The following ANKRD61 variants were observed in gnomAD, a reference collection of about 807,000 sequenced individuals.
The protein encoded by ANKRD61 is ankyrin repeat domain 61.
ANKRD61 carries 7 observed loss-of-function variants against 8.4 expected under a neutral mutation model. The ratio of observed to expected loss-of-function variants is 0.84; its 90% CI spans 0.48 to 1.57. The LOEUF (loss-of-function observed/expected upper bound fraction) is 1.57, where lower values mean the gene tolerates loss of function less well. ANKRD61 is among the 40% of genes most tolerant of loss of function. The pLI is 0.00. For synonymous variants in ANKRD61, 198 were observed against 208.0 expected, an observed-to-expected ratio of 0.95 and a Z score of 0.41; for missense variants, 516 against 523.4, an observed-to-expected ratio of 0.99 and a Z score of 0.14.
In ANKRD61 at chr7:6,036,377, T is replaced by C. The variant is rs750893343; in HGVS notation, c.1248T>C (p.Tyr416=). 272 of 1,475,546 alleles carry C rather than the reference T, an allele frequency of 1.8e-4. No individual in the cohort carries two copies. The highest frequency in any genetic ancestry group is 2.1e-4 in the Non-Finnish European group (238 of 1,114,570). 91.4% of individuals were successfully genotyped at this position (1,475,546 alleles called of 1,614,324 possible). A position where few individuals can be genotyped will look rare whatever the true frequency, so the allele number is the denominator to read the frequency against. The stretch of plus-strand genomic sequence containing the variant: ...TCTACTGCTGTTATGACTTGGCATA[T>C]ACCTCTTGAAATAAGACCTCCCAGT... ...NSVYCCYDLA[Y]TS is the part of the protein sequence containing the mutation. The change falls in exon 3 of 3, where the codon TAT becomes TAC. Residue 416 remains tyrosine, a synonymous_variant. Coordinates refer to ENST00000409061, the MANE Select transcript of ANKRD61 (RefSeq NM_001271700.2). The surrounding 1 kb of genome is among the most constrained non-coding windows in gnomAD (Gnocchi z 4.6).
In ANKRD61 at chr7:6,036,239, G is replaced by A. The variant is rs560313261; in HGVS notation, c.1110G>A (p.Ser370=). 2.8e-5 allele frequency: 43 copies of A among 1,549,346 alleles called. 1 individual carries two copies. In the Admixed American group the frequency reaches 3.4e-4, roughly 12 times the overall value. ...TAAGGGACACCCTAATAAAGCAATC[G>A]CAAAAACCTTTATCCCTACAGGGTA... ...RLLRDTLIKQ[S]QKPLSLQGIC... The change falls in exon 3 of 3, where the codon TCG becomes TCA. Residue 370 remains serine (S), a synonymous_variant. Coordinates refer to ENST00000409061, the MANE Select transcript of ANKRD61 (RefSeq NM_001271700.2). The surrounding 1 kb of genome is among the most constrained non-coding windows in gnomAD (Gnocchi z 4.6).
In ANKRD61 at chr7:6,036,346, A is replaced by G. The variant is rs777072795; in HGVS notation, c.1217A>G (p.Asn406Ser). 6.5e-7 allele frequency: 1 copy of G among 1,531,400 alleles called. No individual in the cohort carries two copies. The highest frequency in any genetic ancestry group is 8.8e-7 in the Non-Finnish European group (1 of 1,139,896). The allele number at this position is 1,531,400 out of a possible 1,614,324, so 94.9% of individuals were successfully genotyped here. ...CAATTCCTCCCAGTGACAATATGGA[A>G]TTCTGTCTACTGCTGTTATGACTTG... ...LKQFLPVTIWNSVYCCYDLAY... is the reference protein window; with the variant it reads ...LKQFLPVTIWSSVYCCYDLAY... Residue 406 changes from asparagine to serine, a missense_variant, in exon 3 of 3, where the codon AAT (asparagine) becomes AGT (serine). Asn to Ser is a conservative substitution (Grantham distance 46). Transcript: ENST00000409061. The surrounding 1 kb of genome is among the most constrained non-coding windows in gnomAD (Gnocchi z 4.6).
In ANKRD61 at chr7:6,033,876, G is replaced by T. The variant is rs1425759693; in HGVS notation, c.314+940G>T. Among the ~76,000 whole-genome samples, 3 of 151,978 alleles carry T rather than the reference G, an allele frequency of 2.0e-5. No homozygotes were observed. The highest frequency in any genetic ancestry group is 4.4e-5 in the Non-Finnish European group (3 of 67,990). On this transcript the variant is annotated intron_variant, in intron 2 of 2. Transcript: ENST00000409061. This position sits in a 1 kb window ranked among gnomAD's most constrained non-coding sequence, Gnocchi z 4.4. ...GAGCCGCCGTGCCTGGCCGACAATG[G>T]ATTTTCTTGTTTATTACTCTCCACT...
Position 6,036,479 on chromosome 7 carries a change from A to G in ANKRD61, c.*93A>G, listed in dbSNP as rs1455573535. 1.0e-5 allele frequency: 8 copies of G among 786,992 alleles called. No individual in the cohort carries two copies. Among genetic ancestry groups the G allele is most frequent in the Non-Finnish European group, 1.5e-5 (8 of 532,586 alleles). The allele number at this position is 786,992 out of a possible 1,614,324, so 48.8% of individuals were successfully genotyped here. On this transcript the variant is annotated 3_prime_UTR_variant, in exon 3 of 3. Coordinates refer to ENST00000409061, the MANE Select transcript of ANKRD61 (RefSeq NM_001271700.2). This position sits in a 1 kb window ranked among gnomAD's most constrained non-coding sequence, Gnocchi z 4.6. ...TGTCCCAGAAAATGCTTCACCTATC[A>G]CCTGTGACATCCCAAATGTACAAAC...
rs917753448 is a variant in ANKRD61, at chr7:6,032,949, C to T, written c.314+13C>T. On this transcript the variant is annotated intron_variant, in intron 2 of 2. Coordinates refer to ENST00000409061, the MANE Select transcript of ANKRD61 (RefSeq NM_001271700.2). This position sits in a 1 kb window ranked among gnomAD's most constrained non-coding sequence, Gnocchi z 4.3. The stretch of plus-strand genomic sequence containing the variant: ...ACCCAGAAGTCAGGTAAGTTAACTC[C>T]ACCGAAAATCATTTCTTTTTTTTTC... 58 of 1,541,100 alleles carry T rather than the reference C, an allele frequency of 3.8e-5. No homozygotes were observed. The Admixed American group carries it at 1.1e-3, about 30-fold the overall frequency.
In ANKRD61 at chr7:6,033,718, T is replaced by C. The variant is rs754678748; in HGVS notation, c.314+782T>C. Reference sequence around the variant, plus strand: ...CCAAGTAGCTGGGACTACAGGCGCCTGCCACCACGCCTGGCTAATTTTTTG... The same window carrying C: ...CCAAGTAGCTGGGACTACAGGCGCCCGCCACCACGCCTGGCTAATTTTTTG... On this transcript the variant is annotated intron_variant, in intron 2 of 2. Transcript: ENST00000409061. This position sits in a 1 kb window ranked among gnomAD's most constrained non-coding sequence, Gnocchi z 4.4. Among the ~76,000 whole-genome samples the C allele has an allele frequency of 2.0e-5, 3 of 151,944 alleles. No homozygotes were observed. The highest frequency in any genetic ancestry group is 6.6e-5 in the Admixed American group (1 of 15,244).
At position 6,031,573 on chromosome 7, in the gene ANKRD61, C is replaced by A. The variant is rs1229508032; in HGVS notation, c.198C>A (p.Asn66Lys). ...CCATTCTGCCCAACTCCGCCAGCAA[C>A]AGATTACTTCTGACCCAGGTACCCT... ...PITILPNSAS[N>K]RLLLTQPTES... is the part of the protein sequence containing the mutation. The change falls in exon 1 of 3, where the codon AAC (asparagine) becomes AAA (lysine). Residue 66 changes from asparagine (N) to lysine (K), a missense_variant. Transcript: ENST00000409061. 1 of 1,550,808 alleles carries A rather than the reference C, an allele frequency of 6.4e-7. No individual in the cohort carries two copies. The highest frequency in any genetic ancestry group is 8.7e-7 in the Non-Finnish European group (1 of 1,147,000).
Position 6,033,781 on chromosome 7 carries a change from G to C in ANKRD61, c.314+845G>C, listed in dbSNP as rs1200456824. 1.3e-5 allele frequency among the ~76,000 whole-genome samples: 2 copies of C among 151,780 alleles called. No individual in the cohort carries two copies. The highest frequency in any genetic ancestry group is 4.8e-5 in the African/African-American group (2 of 41,350). On this transcript the variant is annotated intron_variant, in intron 2 of 2. Coordinates refer to ENST00000409061, the MANE Select transcript of ANKRD61 (RefSeq NM_001271700.2). This position sits in a 1 kb window ranked among gnomAD's most constrained non-coding sequence, Gnocchi z 4.4. ...AGATGGGGTTTCACCATGTTAGCCA[G>C]GATAGTCTCAATCTCCTGACCTCGT... is the stretch of plus-strand genomic sequence containing the variant.
Position 6,033,815 on chromosome 7 carries a change from C to T in ANKRD61, c.314+879C>T, listed in dbSNP as rs1787985334. Among the ~76,000 whole-genome samples, 1 of 151,476 alleles carries T rather than the reference C, an allele frequency of 6.6e-6. No homozygotes were observed. Among genetic ancestry groups the T allele is most frequent in the South Asian group, 2.1e-4 (1 of 4,794 alleles). ...CAATCTCCTGACCTCGTGATCCGTCCACCTCAGCCTCCCAAAGTGCTGGGA... is the reference window on the plus strand; with the variant it reads ...CAATCTCCTGACCTCGTGATCCGTCTACCTCAGCCTCCCAAAGTGCTGGGA... On this transcript the variant is annotated intron_variant, in intron 2 of 2. Transcript: ENST00000409061. The surrounding 1 kb of genome is among the most constrained non-coding windows in gnomAD (Gnocchi z 4.4).
rs755272250 is a variant in ANKRD61, at chr7:6,032,917, G to A, written c.295G>A (p.Gly99Ser). ...GAGTCTGCTCTGCCTGTTACGGCACGGTGCTGACCCAGAAGTCAGGTAAGT... is the reference window on the plus strand; with the variant it reads ...GAGTCTGCTCTGCCTGTTACGGCACAGTGCTGACCCAGAAGTCAGGTAAGT... ...AQSLLCLLRH[G>S]ADPEVRDTTG... Residue 99 changes from glycine to serine, a missense_variant, in exon 2 of 3, where the codon GGT (glycine) becomes AGT (serine). Physicochemically the swap from Gly to Ser is moderately conservative, Grantham distance 56. Transcript: ENST00000409061. The surrounding 1 kb of genome is among the most constrained non-coding windows in gnomAD (Gnocchi z 4.3). 1.9e-5 allele frequency: 29 copies of A among 1,550,502 alleles called. No individual in the cohort carries two copies. Among genetic ancestry groups the A allele is most frequent in the Middle Eastern group, 1.7e-4 (1 of 6,016 alleles).
Position 6,031,457 on chromosome 7 carries a change from CT to C in ANKRD61, c.84del (p.His29ThrfsTer9). ...CCTGGAAGATGGCCCATCTGCAGCA[CT>C]TCACTCGAAACTCTATGAAGCCATC... is the stretch of plus-strand genomic sequence containing the variant. ...KSLEDGPSAA[L>X]HSKLYEAIMR... is the part of the protein sequence containing the mutation. On this transcript the variant is annotated frameshift_variant, in exon 1 of 3. Transcript: ENST00000409061. LOFTEE classifies it high-confidence loss of function. 1.3e-6 allele frequency: 2 copies of C among 1,550,818 alleles called. No homozygotes were observed. The highest frequency in any genetic ancestry group is 1.7e-6 in the Non-Finnish European group (2 of 1,147,040).
Position 6,036,038 on chromosome 7 carries a change from T to TG in ANKRD61, c.910dup (p.Val304GlyfsTer2). On this transcript the variant is annotated frameshift_variant, in exon 3 of 3. Coordinates refer to ENST00000409061, the MANE Select transcript of ANKRD61 (RefSeq NM_001271700.2). LOFTEE classifies it low-confidence loss of function (END_TRUNC). The surrounding 1 kb of genome is among the most constrained non-coding windows in gnomAD (Gnocchi z 4.6). ...ATCTCCTGCTTGAATTTGAAGCAAA[T>TG]GTTAACATTTTAACAAGAAACGGGG... is the stretch of plus-strand genomic sequence containing the variant. 6.4e-7 allele frequency: 1 copy of TG among 1,551,066 alleles called. No homozygotes were observed. The highest frequency in any genetic ancestry group is 1.4e-5 in the African/African-American group (1 of 73,124).
At chr7:6,031,745 G>C (rs1203608682) in intron 1 of ANKRD61, among the ~76,000 whole-genome samples, 154 bp downstream of exon 1, 2 of 152,028 alleles carry the variant, frequency 1.3e-5, no homozygotes, top group Non-Finnish European at 2.9e-5. Context: ...GCTCCCCAAA[G>C]CCTGCAAAGC....
rs1163523329 is a variant in ANKRD61 at position 6,032,419 on chromosome 7, C to G, written c.217-420C>G. Among the ~76,000 whole-genome samples the G allele has an allele frequency of 6.6e-6, 1 of 152,078 alleles. No individual in the cohort carries two copies. Among genetic ancestry groups the G allele is most frequent in the Admixed American group, 6.6e-5 (1 of 15,256 alleles). On this transcript the variant is annotated intron_variant, in intron 1 of 2. Transcript: ENST00000409061. The surrounding 1 kb of genome is among the most constrained non-coding windows in gnomAD (Gnocchi z 4.3). Reference sequence around the variant, plus strand: ...CATATGCTGCGTTATATTTGAAAACCCTGAAGATTCAGGTTTTACTGCTGA... The same window carrying G: ...CATATGCTGCGTTATATTTGAAAACGCTGAAGATTCAGGTTTTACTGCTGA...
At position 6,031,497 on chromosome 7, in the gene ANKRD61, G is replaced by A. The variant is rs1160341746; in HGVS notation, c.122G>A (p.Cys41Tyr). Reference sequence around the variant, plus strand: ...TATGAAGCCATCATGAGAGAAGACTGCACTACGATCGAGGTACTCCTGAGA... The same window carrying A: ...TATGAAGCCATCATGAGAGAAGACTACACTACGATCGAGGTACTCCTGAGA... ...KLYEAIMREDCTTIEVLLRNH... is the reference protein window; with the variant it reads ...KLYEAIMREDYTTIEVLLRNH... Residue 41 changes from cysteine to tyrosine, a missense_variant, in exon 1 of 3, where the codon TGC becomes TAC. Physicochemically the swap from Cys to Tyr is radical, Grantham distance 194. Coordinates refer to ENST00000409061, the MANE Select transcript of ANKRD61 (RefSeq NM_001271700.2). 1 of 1,550,688 alleles carries A rather than the reference G, an allele frequency of 6.4e-7. No homozygotes were observed. Among genetic ancestry groups the A allele is most frequent in the Middle Eastern group, 1.7e-4 (1 of 5,992 alleles).
chr7:6,034,311 TA>T (rs1298129488), intron 2 of ANKRD61, among the ~76,000 whole-genome samples: 2 of 151,568 alleles, frequency 1.3e-5, no homozygotes, highest in Non-Finnish European at 2.9e-5. Flanking sequence ...CATCTCAAAA[TA>T]ATAATAATAA....
chr7:6,035,901 G>C lies in ANKRD61; in HGVS notation c.772G>C (p.Val258Leu). ...AGCAGGCCGACTCCTCGGGGCGGGG[G>C]TCAGCTGCATCCGTCTGCTACTCAC... ...SKAGRLLGAG[V>L]SCIRLLLTHG... Residue 258 changes from valine (V) to leucine (L), a missense_variant, in exon 3 of 3, where the codon GTC (valine) becomes CTC (leucine). Physicochemically the swap from Val to Leu is conservative, Grantham distance 32 (BLOSUM62 1). Transcript: ENST00000409061. The surrounding 1 kb of genome is among the most constrained non-coding windows in gnomAD (Gnocchi z 5.5). The C allele has an allele frequency of 6.5e-7, 1 of 1,546,870 alleles. No individual in the cohort carries two copies. The highest frequency in any genetic ancestry group is 8.7e-7 in the Non-Finnish European group (1 of 1,144,632).
In ANKRD61 at chr7:6,035,959, A is replaced by G. The variant is rs1359072442; in HGVS notation, c.830A>G (p.Lys277Arg). 2 of 1,549,580 alleles carry G rather than the reference A, an allele frequency of 1.3e-6. No individual in the cohort carries two copies. Among genetic ancestry groups the G allele is most frequent in the East Asian group, 4.9e-5 (2 of 40,900 alleles). ...GCCAAAGTCAACGCCCAGGACTACA[A>G]GGGCCAAACAGCCATCCATGAGGCA... Reference protein sequence around the residue: ...HGAKVNAQDYKGQTAIHEACF... With the variant: ...HGAKVNAQDYRGQTAIHEACF... Residue 277 changes from lysine to arginine, a missense_variant, in exon 3 of 3, where the codon AAG becomes AGG. By Grantham distance (26) the Lys-to-Arg change is conservative. Coordinates refer to ENST00000409061, the MANE Select transcript of ANKRD61 (RefSeq NM_001271700.2). This position sits in a 1 kb window ranked among gnomAD's most constrained non-coding sequence, Gnocchi z 5.5.
chr7:6,032,897 T>G lies in ANKRD61; in HGVS notation c.275T>G (p.Leu92Arg). 1.3e-6 allele frequency: 2 copies of G among 1,551,050 alleles called. No homozygotes were observed. Among genetic ancestry groups the G allele is most frequent in the Non-Finnish European group, 8.7e-7 (1 of 1,147,028 alleles). The change falls in exon 2 of 3, where the codon CTG becomes CGG. Residue 92 changes from leucine (L) to arginine (R), a missense_variant. Physicochemically the swap from Leu to Arg is moderately radical, Grantham distance 102. Transcript: ENST00000409061. This position sits in a 1 kb window ranked among gnomAD's most constrained non-coding sequence, Gnocchi z 4.3. ...LAAKYHKAQSLLCLLRHGADP... is the reference protein window; with the variant it reads ...LAAKYHKAQSRLCLLRHGADP... ...GCCAAGTACCACAAGGCCCAGAGTC[T>G]GCTCTGCCTGTTACGGCACGGTGCT...
Sources: allele counts gnomAD v4.1 joint callset (sites outside exome capture counted in the v4.1 genomes callset), GRCh38; gene constraint gnomAD v4.1.1; non-coding constraint Gnocchi (gnomAD v3.1); transcripts MANE v1.5; gene names NCBI Gene and HGNC (gene_info 2026-07-23, HGNC 2026-07-21).